SLC20A2: variants seen among roughly 807,000 people sequenced by gnomAD.
SLC20A2 encodes sodium-dependent phosphate transporter 2.
A neutral mutation model predicts 61.0 loss-of-function variants in SLC20A2; 30 were observed. The observed-to-expected ratio is 0.49, with a 90% CI of 0.37 to 0.67. The LOEUF (loss-of-function observed/expected upper bound fraction) is 0.67. Among genes scored for constraint, SLC20A2 ranks in the 30% least tolerant of loss-of-function variants. The pLI is 0.00. For synonymous variants in SLC20A2, 351 were observed against 353.3 expected (o/e 0.99, Z 0.07); for missense variants, 626 against 866.4 (o/e 0.72, Z 3.48).
At chr8:42,524,986 G>A (rs914211207) in intron 1 of SLC20A2, among the ~76,000 whole-genome samples, 1 of 152,016 alleles carries the variant, frequency 6.6e-6, no homozygotes, top group Non-Finnish European at 1.5e-5. Flanking sequence ...GTTGCTTCCA[G>A]GTCTAATATT....
At chr8:42,480,684 CAG>C (rs1808488749) in intron 1 of SLC20A2, among the ~76,000 whole-genome samples, 1 of 152,086 alleles carries the variant, frequency 6.6e-6, no homozygotes, top group Non-Finnish European at 1.5e-5. Flanking sequence ...AGTTTTGAGA[CAG>C]AGTCGGTCTG....
intron 1 of SLC20A2, chr8:42,541,644 C>G (rs1247458454): frequency 1.0e-4 from 15 of 150,044 alleles, no homozygotes; most frequent in Admixed American, 8.6e-4. Flanking sequence ...GGCCCCGACT[C>G]CGGGGTAAAG....
Position 42,439,641 on chromosome 8 carries a change from T to G in SLC20A2, c.743A>C (p.Lys248Thr). The G allele has an allele frequency of 6.2e-7, 1 of 1,613,934 alleles. No individual in the cohort carries two copies. ...AGATACTCGTGATAAAGCACCTTCT[T>G]TTTGTAATTTGCCTAAAGAAAACAA... ...MRRKITGKLQ[K>T]EGALSRVSDE... is the part of the protein sequence containing the mutation. Residue 248 changes from lysine to threonine, a missense_variant, in exon 7 of 11, where the codon AAA (lysine) becomes ACA (threonine). By Grantham distance (78) the Lys-to-Thr change is moderately conservative. Coordinates refer to ENST00000520262, the MANE Select transcript of SLC20A2 (RefSeq NM_001257180.2).
Position 42,437,213 on chromosome 8 carries a change from G to A in SLC20A2, c.1299C>T (p.Tyr433=). ...YSKKRLRYDS[Y]SSYCNAVAEA... ...CTGCCACCGCGTTACAGTAGCTCGA[G>A]TAGCTGTCGTAGCGCAGCCTCTTCT... The change falls in exon 8 of 11, where the codon TAC becomes TAT. Residue 433 remains tyrosine, a synonymous_variant. Coordinates refer to ENST00000520262, the MANE Select transcript of SLC20A2 (RefSeq NM_001257180.2). This position sits in a 1 kb window ranked among gnomAD's most constrained non-coding sequence, Gnocchi z 6.4. 1 of 1,613,726 alleles carries A rather than the reference G, an allele frequency of 6.2e-7. No individual in the cohort carries two copies. Among genetic ancestry groups the A allele is most frequent in the Non-Finnish European group, 8.5e-7 (1 of 1,180,030 alleles).
intron 3 of SLC20A2, among the ~76,000 whole-genome samples, chr8:42,464,856 T>C (rs1807029224): frequency 6.6e-6 from 1 of 151,902 alleles, no homozygotes; most frequent in South Asian, 2.1e-4. Context: ...GTGCCTGTAA[T>C]CCTAGCTACT....
intron 1 of SLC20A2, among the ~76,000 whole-genome samples, chr8:42,519,134 A>G (rs1811491214): frequency 6.6e-6 from 1 of 152,164 alleles, no homozygotes; most frequent in Admixed American, 6.5e-5. Flanking sequence ...TAACAGAAGT[A>G]TCACCTTGGC....
At chr8:42,538,864 G>A (rs1049709789) in intron 1 of SLC20A2, among the ~76,000 whole-genome samples, 1 of 152,106 alleles carries the variant, frequency 6.6e-6, no homozygotes, top group Non-Finnish European at 1.5e-5. Flanking sequence ...GTAATATACT[G>A]CATTCTAAAT....
intron 1 of SLC20A2, among the ~76,000 whole-genome samples, chr8:42,482,570 G>A (rs909753353): frequency 6.6e-6 from 1 of 152,148 alleles, no homozygotes; most frequent in Non-Finnish European, 1.5e-5. Context: ...GCATCATGGC[G>A]AAACCCCATC....
chr8:42,508,013 A>T (rs1486461584), intron 1 of SLC20A2, among the ~76,000 whole-genome samples: 1 of 152,040 alleles, frequency 6.6e-6, no homozygotes, highest in Non-Finnish European at 1.5e-5. Flanking sequence ...TACAAAAAAA[A>T]TTAGCTAGGC....
intron 10 of SLC20A2, among the ~76,000 whole-genome samples, chr8:42,428,299 T>C (rs1180245725): frequency 6.6e-6 from 1 of 152,224 alleles, no homozygotes; most frequent in Non-Finnish European, 1.5e-5. Flanking sequence ...TATAGTCACT[T>C]TGAACATCAT....
rs988267762 is a variant in SLC20A2, at chr8:42,520,133, C to G, written c.-265+21688G>C. ...GGTTCAAGCAATTCTCCTGCCTCAG[C>G]CTCCCAAGCAGCTGGGATTACAGGC... On this transcript the variant is annotated intron_variant, in intron 1 of 10. Transcript: ENST00000342228. Among the ~76,000 whole-genome samples the G allele has an allele frequency of 2.0e-5, 3 of 150,676 alleles. No homozygotes were observed. The East Asian group carries it at 5.9e-4, about 30-fold the overall frequency.
intron 1 of SLC20A2, among the ~76,000 whole-genome samples, chr8:42,496,710 C>G (rs963706479): frequency 6.6e-6 from 1 of 152,222 alleles, no homozygotes; most frequent in Non-Finnish European, 1.5e-5. Context: ...AGCTGACACA[C>G]AGATAATACA....
intron 1 of SLC20A2, among the ~76,000 whole-genome samples, chr8:42,492,127 T>C (rs1809565121): frequency 6.6e-6 from 1 of 152,092 alleles, no homozygotes; most frequent in Admixed American, 6.6e-5. Flanking sequence ...GAGGCCGAGG[T>C]GGGTGGATCA....
At chr8:42,443,306 T>TAC (rs1804946076) in intron 6 of SLC20A2, among the ~76,000 whole-genome samples, 1 of 110,742 alleles carries the variant, frequency 9.0e-6, no homozygotes, top group Non-Finnish European at 1.9e-5. Context: ...TATATATATA[T>TAC]ATAATAAAAT....
intron 8 of SLC20A2, among the ~76,000 whole-genome samples, chr8:42,433,429 T>C (rs1255777458): frequency 6.6e-6 from 1 of 152,158 alleles, no homozygotes; most frequent in Non-Finnish European, 1.5e-5. Context: ...GTTCAAGCAA[T>C]TCTCCTGCCT....
chr8:42,456,723 C>T (rs1169204188), intron 5 of SLC20A2, among the ~76,000 whole-genome samples: 1 of 141,084 alleles, frequency 7.1e-6, no homozygotes, highest in African/African-American at 2.7e-5. Flanking sequence ...CAGTACGAGA[C>T]TCTGTCTCAA....
chr8:42,453,328 G>A (rs1805891221), intron 5 of SLC20A2, among the ~76,000 whole-genome samples: 1 of 152,066 alleles, frequency 6.6e-6, no homozygotes, highest in South Asian at 2.1e-4. Flanking sequence ...ATTTTTTTAA[G>A]AACAAAAATG....
chr8:42,420,915 A>C (rs970590219), intron 10 of SLC20A2, among the ~76,000 whole-genome samples: 3 of 152,198 alleles, frequency 2.0e-5, no homozygotes, highest in Admixed American at 1.3e-4. Flanking sequence ...CTTATATGAC[A>C]TTATACGTCA....
chr8:42,478,136 G>A (rs931992651), intron 1 of SLC20A2, among the ~76,000 whole-genome samples: 4 of 151,586 alleles, frequency 2.6e-5, no homozygotes, highest in African/African-American at 4.8e-5. Flanking sequence ...AACCCGCCTC[G>A]GCCTCTCAAA....
Sources: gnomAD v4.1 joint callset for allele counts (sites outside exome capture counted in the v4.1 genomes callset) on GRCh38, gnomAD v4.1.1 for gene constraint, Gnocchi (gnomAD v3.1) non-coding constraint, MANE v1.5 for transcripts, NCBI Gene and HGNC (gene_info 2026-07-23, HGNC 2026-07-21) for gene names.